KCNC1: variants seen among roughly 807,000 people sequenced by gnomAD.
The protein encoded by KCNC1 is potassium voltage-gated channel subfamily C member 1.
KCNC1 carries 8 observed loss-of-function variants against 43.4 expected under a neutral mutation model. The observed-to-expected ratio is 0.18, with a 90% CI of 0.11 to 0.33. The LOEUF (loss-of-function observed/expected upper bound fraction) is 0.33, where lower values mean the gene tolerates loss of function less well. Ranked by LOEUF, KCNC1 falls within the 10% of genes least tolerant of loss-of-function variation. KCNC1 has a pLI of 1.00. For synonymous variants in KCNC1, 361 were observed against 360.5 expected, an observed-to-expected ratio of 1.00 and a Z score of -0.01; for missense variants, 420 against 836.0, an observed-to-expected ratio of 0.50 and a Z score of 6.14.
rs978042541 is a variant in KCNC1, at chr11:17,736,728, G to T, written c.570+156G>T. Among the ~76,000 whole-genome samples the T allele has an allele frequency of 6.6e-6, 1 of 152,232 alleles. No individual in the cohort carries two copies. The highest frequency in any genetic ancestry group is 1.5e-5 in the Non-Finnish European group (1 of 68,040). On this transcript the variant is annotated intron_variant, in intron 1 of 3. Transcript: ENST00000265969. The surrounding 1 kb of genome is among the most constrained non-coding windows in gnomAD (Gnocchi z 9.3). ...TGCACGTACCAGGGTAAGAGAGGAAGGGTGTCCGCCGGGGTTCTGGTTTTC... is the reference window on the plus strand; with the variant it reads ...TGCACGTACCAGGGTAAGAGAGGAATGGTGTCCGCCGGGGTTCTGGTTTTC...
chr11:17,770,700 G>C (rs1282316961), intron 1 of KCNC1, among the ~76,000 whole-genome samples: 1 of 152,200 alleles, frequency 6.6e-6, no homozygotes, highest in African/African-American at 2.4e-5. Flanking sequence ...GGTGGTTCTG[G>C]ACAGGCAGGG....
At position 17,736,131 on chromosome 11, in the gene KCNC1, C is replaced by T; in HGVS notation, c.129C>T (p.His43=). The T allele has an allele frequency of 6.2e-7, 1 of 1,612,570 alleles. No individual in the cohort carries two copies. The highest frequency in any genetic ancestry group is 8.5e-7 in the Non-Finnish European group (1 of 1,179,408). Residue 43 remains histidine (H), a synonymous_variant, in exon 1 of 4, where the codon CAC becomes CAT. Transcript: ENST00000265969. This position sits in a 1 kb window ranked among gnomAD's most constrained non-coding sequence, Gnocchi z 9.3. Reference sequence around the variant, plus strand: ...CCTGGCTGGCGGAGCCCGACGCCCACAGCCACTTCGACTATGACCCGCGTG... The same window carrying T: ...CCTGGCTGGCGGAGCCCGACGCCCATAGCCACTTCGACTATGACCCGCGTG... ...RLAWLAEPDA[H]SHFDYDPRAD... is the part of the protein sequence containing the mutation.
Position 17,773,371 on chromosome 11 carries a change from C to T in KCNC1, c.1504+773C>T. 1 of 985,198 alleles carries T rather than the reference C, an allele frequency of 1.0e-6. No individual in the cohort carries two copies. Among genetic ancestry groups the T allele is most frequent in the East Asian group, 1.1e-4 (1 of 8,816 alleles). The allele number at this position is 985,198 out of a possible 1,614,324, so 61.0% of individuals were successfully genotyped here. ...TGGTCGAGTGGGAGTTTCCGGTGACCCGATGGAAGCGGCTGCCGAGCAAAA... is the reference window on the plus strand; with the variant it reads ...TGGTCGAGTGGGAGTTTCCGGTGACTCGATGGAAGCGGCTGCCGAGCAAAA... On this transcript the variant is annotated intron_variant, in intron 2 of 3. Coordinates refer to ENST00000265969, the MANE Select transcript of KCNC1 (RefSeq NM_001112741.2). This position sits in a 1 kb window ranked among gnomAD's most constrained non-coding sequence, Gnocchi z 4.1.
intron 1 of KCNC1, among the ~76,000 whole-genome samples, chr11:17,767,064 G>A (rs931838395): frequency 6.6e-6 from 1 of 151,542 alleles, no homozygotes; most frequent in Non-Finnish European, 1.5e-5. Flanking sequence ...CCCAGGAGGC[G>A]GAGGTTGCAG....
At chr11:17,750,200 T>C (rs1033911848) in intron 1 of KCNC1, among the ~76,000 whole-genome samples, 1 of 152,216 alleles carries the variant, frequency 6.6e-6, no homozygotes, top group Non-Finnish European at 1.5e-5. Context: ...GCACCGTGGC[T>C]GGCACATGGG....
chr11:17,766,998 G>A (rs889704659), intron 1 of KCNC1, among the ~76,000 whole-genome samples: 25 of 151,442 alleles, frequency 1.7e-4, no homozygotes, highest in African/African-American at 5.6e-4. Context: ...GCCGGGCGTG[G>A]TGGTGGCACC....
intron 2 of KCNC1, chr11:17,775,576 A>C: frequency 1.0e-6 from 1 of 985,552 alleles, no homozygotes; most frequent in Non-Finnish European, 1.2e-6. Flanking sequence ...CTTCTCTCCC[A>C]GAAAGGGGCT....
At chr11:17,740,383 G>A (rs1018544121) in intron 1 of KCNC1, among the ~76,000 whole-genome samples, 56 of 152,164 alleles carry the variant, frequency 3.7e-4, no homozygotes, top group Admixed American at 3.3e-3. Flanking sequence ...CTGCCCCAGA[G>A]GAGGTGATGC....
chr11:17,741,624 G>A (rs576977562), intron 1 of KCNC1, among the ~76,000 whole-genome samples: 7 of 152,184 alleles, frequency 4.6e-5, no homozygotes, highest in South Asian at 2.1e-4. Context: ...TTCAACTCAC[G>A]GGCCTGTCAG....
intron 1 of KCNC1, among the ~76,000 whole-genome samples, chr11:17,763,443 CTGGGA>C (rs1008795388): frequency 2.6e-5 from 4 of 151,910 alleles, no homozygotes; most frequent in Admixed American, 2.6e-4. Context: ...CCCTGGTTCC[CTGGGA>C]GATGGCCCGG....
chr11:17,777,554 C>T lies in KCNC1; in HGVS notation c.1505-1902C>T, dbSNP rs543002188. The T allele has an allele frequency of 3.9e-5, 38 of 985,904 alleles. No homozygotes were observed. The East Asian group carries it at 3.4e-3, about 89-fold the overall frequency. 61.1% of individuals were successfully genotyped at this position (985,904 alleles called of 1,614,324 possible). A position where few individuals can be genotyped will look rare whatever the true frequency, so the allele number is the denominator to read the frequency against. ...CAGCCAGAGTGGGAGGCAGGACCAG[C>T]GTGTCTGCGAGCACACGTGTGTGCC... On this transcript the variant is annotated intron_variant, in intron 2 of 3. Transcript: ENST00000265969. The surrounding 1 kb of genome is among the most constrained non-coding windows in gnomAD (Gnocchi z 4.3).
At position 17,776,676 on chromosome 11, in the gene KCNC1, C is replaced by T. The variant is rs1290000244; in HGVS notation, c.1505-2780C>T. On this transcript the variant is annotated intron_variant, in intron 2 of 3. Transcript: ENST00000265969. This position sits in a 1 kb window ranked among gnomAD's most constrained non-coding sequence, Gnocchi z 4.4. ...GGCCCTGGGCTGGGGGAGGCAGGGC[C>T]CCCAGCCTCTGGAAAGCAGGTGGGA... 1.0e-6 allele frequency: 1 copy of T among 984,728 alleles called. No individual in the cohort carries two copies. The highest frequency in any genetic ancestry group is 1.2e-6 in the Non-Finnish European group (1 of 829,702). The allele number at this position is 984,728 out of a possible 1,614,324, so 61.0% of individuals were successfully genotyped here. A position where few individuals can be genotyped will look rare whatever the true frequency, so the allele number is the denominator to read the frequency against.
chr11:17,771,543 C>T lies in KCNC1; in HGVS notation c.571-122C>T, dbSNP rs948267059. ...GTGCCCTGAGGAGGGAAATGTAGCACGTGCTGCAGGGGGCCTGGTGCTGGC... is the reference window on the plus strand; with the variant it reads ...GTGCCCTGAGGAGGGAAATGTAGCATGTGCTGCAGGGGGCCTGGTGCTGGC... On this transcript the variant is annotated intron_variant, in intron 1 of 3. Coordinates refer to ENST00000265969, the MANE Select transcript of KCNC1 (RefSeq NM_001112741.2). The surrounding 1 kb of genome is among the most constrained non-coding windows in gnomAD (Gnocchi z 4.7). 14 of 839,396 alleles carry T rather than the reference C, an allele frequency of 1.7e-5. No individual in the cohort carries two copies. Among genetic ancestry groups the T allele is most frequent in the Admixed American group, 2.3e-5 (1 of 43,294 alleles). The allele number at this position is 839,396 out of a possible 1,614,324, so 52.0% of individuals were successfully genotyped here.
At chr11:17,759,037 A>G (rs957410228) in intron 1 of KCNC1, among the ~76,000 whole-genome samples, 1 of 152,262 alleles carries the variant, frequency 6.6e-6, no homozygotes, top group African/African-American at 2.4e-5. Flanking sequence ...AGGCCGTTTA[A>G]TCTGCATTGA....
In KCNC1 at chr11:17,781,909, A is replaced by G; in HGVS notation, c.*175A>G. On this transcript the variant is annotated 3_prime_UTR_variant, in exon 4 of 4. Transcript: ENST00000265969. The surrounding 1 kb of genome is among the most constrained non-coding windows in gnomAD (Gnocchi z 5.1). ...TTTTTCTACGGCCAAATGGTAACTG[A>G]CCGTAGAGGATTTCTTTTCCTTCTT... is the stretch of plus-strand genomic sequence containing the variant. 2 of 464,772 alleles carry G rather than the reference A, an allele frequency of 4.3e-6. No individual in the cohort carries two copies. The highest frequency in any genetic ancestry group is 7.6e-6 in the Non-Finnish European group (2 of 261,956). 28.8% of individuals were successfully genotyped at this position (464,772 alleles called of 1,614,324 possible).
At chr11:17,737,476 C>T (rs779183676) in intron 1 of KCNC1, among the ~76,000 whole-genome samples, 1 of 152,090 alleles carries the variant, frequency 6.6e-6, no homozygotes, top group Non-Finnish European at 1.5e-5. Flanking sequence ...AGAAAGGACA[C>T]GCTGCTGCTG....
At chr11:17,746,260 C>T (rs1379713851) in intron 1 of KCNC1, among the ~76,000 whole-genome samples, 4 of 152,228 alleles carry the variant, frequency 2.6e-5, no homozygotes, top group African/African-American at 9.6e-5. Flanking sequence ...CAGGGGCCCA[C>T]CTGCTGGTGT....
chr11:17,763,890 C>T (rs1432135042), intron 1 of KCNC1, among the ~76,000 whole-genome samples: 7 of 110,352 alleles, frequency 6.3e-5, no homozygotes, highest in Non-Finnish European at 1.4e-4. Flanking sequence ...TACACACCCA[C>T]ACCCACACAC....
rs975112714 is a variant in KCNC1, at chr11:17,737,690, A to C, written c.570+1118A>C. Among the ~76,000 whole-genome samples the C allele has an allele frequency of 4.5e-4, 69 of 152,166 alleles. 1 individual carries two copies. Among genetic ancestry groups the C allele is most frequent in the Non-Finnish European group, 1.5e-4 (10 of 68,020 alleles). On this transcript the variant is annotated intron_variant, in intron 1 of 3. Transcript: ENST00000265969. ...CCTTAGAGGCCTAAAGAGAGACCCTAAGGCCTGTGGGGGAAGGGCAGAGTA... is the reference window on the plus strand; with the variant it reads ...CCTTAGAGGCCTAAAGAGAGACCCTCAGGCCTGTGGGGGAAGGGCAGAGTA...
Sources: gnomAD v4.1 joint callset for allele counts (sites outside exome capture counted in the v4.1 genomes callset) on GRCh38, gnomAD v4.1.1 for gene constraint, Gnocchi (gnomAD v3.1) non-coding constraint, MANE v1.5 for transcripts, NCBI Gene and HGNC (gene_info 2026-07-23, HGNC 2026-07-21) for gene names.